NLGN1: variants seen among roughly 807,000 people sequenced by gnomAD.
NLGN1 encodes neuroligin 1.
NLGN1 carries 12 observed loss-of-function variants against 65.5 expected under a neutral mutation model. The ratio of observed to expected loss-of-function variants is 0.18; its 90% CI spans 0.12 to 0.30. The LOEUF (loss-of-function observed/expected upper bound fraction) is 0.30, where lower values mean the gene tolerates loss of function less well. Ranked by LOEUF, NLGN1 falls within the 10% of genes least tolerant of loss-of-function variation. The pLI is 1.00. For missense variants in NLGN1, 750 were observed against 1,007.1 expected (o/e 0.74, Z 3.46); for synonymous variants, 350 against 359.5 (o/e 0.97, Z 0.30).
At chr3:173,838,842 A>G (rs749927243) in intron 4 of NLGN1, among the ~76,000 whole-genome samples, 16 of 152,186 alleles carry the variant, frequency 1.1e-4, no homozygotes, top group Non-Finnish European at 2.4e-4. Flanking sequence ...GATCCTGAGA[A>G]TGTGTGAATA....
intron 3 of NLGN1, among the ~76,000 whole-genome samples, chr3:173,728,276 C>A (rs1225951428): frequency 6.6e-6 from 1 of 151,778 alleles, no homozygotes; most frequent in Admixed American, 6.6e-5. Flanking sequence ...TATGAAAGTC[C>A]TAAGAAACAT....
intron 3 of NLGN1, among the ~76,000 whole-genome samples, chr3:173,606,434 T>A (rs1751423689): frequency 6.6e-6 from 1 of 152,056 alleles, no homozygotes; most frequent in Non-Finnish European, 1.5e-5. Context: ...GTAAATCATC[T>A]AAGTGTTATT....
intron 2 of NLGN1, among the ~76,000 whole-genome samples, chr3:173,526,996 C>G (rs1207714923): frequency 6.6e-6 from 1 of 152,162 alleles, no homozygotes; most frequent in Non-Finnish European, 1.5e-5. Flanking sequence ...CATTCATCTC[C>G]TAATGGACAC....
At chr3:174,036,599 T>C (rs1009309059) in intron 4 of NLGN1, among the ~76,000 whole-genome samples, 1 of 147,136 alleles carries the variant, frequency 6.8e-6, no homozygotes, top group African/African-American at 2.5e-5. Context: ...TTTTTTTTTT[T>C]CAAATTTAAC....
At chr3:173,765,898 C>G (rs1457594038) in intron 3 of NLGN1, among the ~76,000 whole-genome samples, 2 of 152,138 alleles carry the variant, frequency 1.3e-5, no homozygotes, top group African/African-American at 2.4e-5. Context: ...ACCACTTCTT[C>G]CCTCATTCCC....
At chr3:173,719,322 T>C (rs1770416134) in intron 3 of NLGN1, among the ~76,000 whole-genome samples, 1 of 152,200 alleles carries the variant, frequency 6.6e-6, no homozygotes, top group South Asian at 2.1e-4. Context: ...CTGATACTTA[T>C]TTTCCTTAAA....
intron 4 of NLGN1, among the ~76,000 whole-genome samples, chr3:173,907,582 CTTTTTTTT>C (rs561283815): frequency 8.3e-6 from 1 of 120,720 alleles, no homozygotes; most frequent in Non-Finnish European, 1.7e-5. Context: ...CTCTCTCTCT[CTTTTTTTT>C]TTTTTTTTTT....
At chr3:173,947,502 G>A (rs986347258) in intron 4 of NLGN1, among the ~76,000 whole-genome samples, 2 of 152,124 alleles carry the variant, frequency 1.3e-5, no homozygotes, top group African/African-American at 4.8e-5. Flanking sequence ...TTGTCAGGTA[G>A]TGAACTCTCA....
At chr3:173,907,611 G>A (rs1340360726) in intron 4 of NLGN1, among the ~76,000 whole-genome samples, 3 of 140,478 alleles carry the variant, frequency 2.1e-5, no homozygotes, top group South Asian at 2.4e-4. Context: ...TTGAGTTGGA[G>A]TGTTGCTCTG....
intron 4 of NLGN1, among the ~76,000 whole-genome samples, chr3:173,816,068 TATATATTTA>T (rs1455255263): frequency 1.3e-5 from 1 of 79,808 alleles, no homozygotes; most frequent in Non-Finnish European, 3.3e-5. Flanking sequence ...ATACTGTAAT[TATATATTTA>T]AATTTTTAAT....
At chr3:173,453,347 G>C (rs985583264) in intron 2 of NLGN1, among the ~76,000 whole-genome samples, 1 of 150,868 alleles carries the variant, frequency 6.6e-6, no homozygotes, top group East Asian at 2.0e-4. Context: ...ATCTTCCTGT[G>C]TTGGCCTCCC....
chr3:173,444,362 G>T (rs1200664944), intron 2 of NLGN1, among the ~76,000 whole-genome samples: 1 of 152,092 alleles, frequency 6.6e-6, no homozygotes, highest in African/African-American at 2.4e-5. Flanking sequence ...TCTATAAAAT[G>T]GAAGATAAAA....
intron 2 of NLGN1, among the ~76,000 whole-genome samples, chr3:173,502,598 C>G (rs924400862): frequency 6.6e-6 from 1 of 152,092 alleles, no homozygotes; most frequent in Non-Finnish European, 1.5e-5. Flanking sequence ...TTTCACCAAA[C>G]ATGTAAGCTT....
At position 173,841,238 on chromosome 3, in the gene NLGN1, A is replaced by T. The variant is rs151202864; in HGVS notation, c.646+33406A>T. Among the ~76,000 whole-genome samples, 312 of 152,224 alleles carry T rather than the reference A, an allele frequency of 2.0e-3. 7 individuals carry two copies. The East Asian group carries it at 0.054, about 27-fold the overall frequency. On this transcript the variant is annotated intron_variant, in intron 4 of 6. Transcript: ENST00000457714. ...CTATTTGTAGCAATATTACAAGTGG[A>T]TTGTTACTTCTAGTTTATACATTTT... is the stretch of plus-strand genomic sequence containing the variant.
At chr3:174,225,203 C>T (rs1005188270) in intron 4 of NLGN1, among the ~76,000 whole-genome samples, 2 of 152,256 alleles carry the variant, frequency 1.3e-5, no homozygotes, top group African/African-American at 4.8e-5. Context: ...ATCAATAAAA[C>T]ATATGGCCAC....
chr3:173,970,163 C>T (rs1440639869), intron 4 of NLGN1, among the ~76,000 whole-genome samples: 2 of 152,094 alleles, frequency 1.3e-5, no homozygotes, highest in African/African-American at 4.8e-5. Flanking sequence ...TTAAACAAGT[C>T]CTTTAGTCTA....
At chr3:174,119,727 C>T (rs1398290295) in intron 4 of NLGN1, among the ~76,000 whole-genome samples, 1 of 152,192 alleles carries the variant, frequency 6.6e-6, no homozygotes, top group African/African-American at 2.4e-5. Flanking sequence ...GGACCCATCA[C>T]TTTAAGATTT....
chr3:173,971,814 T>C (rs1032196570), intron 4 of NLGN1, among the ~76,000 whole-genome samples: 3 of 152,064 alleles, frequency 2.0e-5, no homozygotes, highest in Non-Finnish European at 4.4e-5. Context: ...GCCAAGGATA[T>C]GTAAGGATTA....
chr3:173,647,916 A>C (rs901694216), intron 3 of NLGN1, among the ~76,000 whole-genome samples: 1 of 152,182 alleles, frequency 6.6e-6, no homozygotes, highest in East Asian at 1.9e-4. Flanking sequence ...AAATGGAGAT[A>C]GACCTTGGTC....
Sources: allele counts gnomAD v4.1 joint callset (sites outside exome capture counted in the v4.1 genomes callset), GRCh38; gene constraint gnomAD v4.1.1; transcripts MANE v1.5; gene names NCBI Gene and HGNC (gene_info 2026-07-23, HGNC 2026-07-21).